Variants in IWS1 observed in about 807,000 individuals in gnomAD.
IWS1 encodes the protein interacts with SUPT6H, CTD assembly factor 1.
A neutral mutation model predicts 86.7 loss-of-function variants in IWS1; 27 were observed. The observed-to-expected ratio is 0.31, with a 90% CI of 0.23 to 0.43. The LOEUF is 0.43. Among genes scored for constraint, IWS1 ranks in the 20% least tolerant of loss-of-function variants. IWS1 has a pLI of 1.00. For missense variants in IWS1, 827 were observed against 1,000.8 expected (o/e 0.83, Z 2.34); for synonymous variants, 313 against 335.1 (o/e 0.93, Z 0.72).
chr2:127,526,346 G>C lies in IWS1; in HGVS notation c.-138C>G. On this transcript the variant is annotated 5_prime_UTR_variant, in exon 1 of 14. Transcript: ENST00000295321. ...CCGGAGAACTTAACGGGTGCGGAGG[G>C]TAAGAAAGCGGTAGCGGCAAAGGCG... The C allele has an allele frequency of 6.5e-7, 1 of 1,537,896 alleles. No individual in the cohort carries two copies. Among genetic ancestry groups the C allele is most frequent in the Non-Finnish European group, 8.7e-7 (1 of 1,146,638 alleles).
intron 13 of IWS1, among the ~76,000 whole-genome samples, chr2:127,485,534 C>T (rs796367029): frequency 1.4e-4 from 22 of 152,312 alleles, no homozygotes; most frequent in African/African-American, 5.1e-4. Context: ...CACCAGGAAA[C>T]CACTAACTAG....
chr2:127,505,830 T>C lies in IWS1; in HGVS notation c.151-78A>G, dbSNP rs1348317801. On this transcript the variant is annotated intron_variant, in intron 2 of 13. Coordinates refer to ENST00000295321, the MANE Select transcript of IWS1 (RefSeq NM_017969.3). The surrounding 1 kb of genome is among the most constrained non-coding windows in gnomAD (Gnocchi z 5.0). ...TAATAATAAAACATTAAATTTTTTCTGTGATTTTTTTAAAATACAGGATTA... is the reference window on the plus strand; with the variant it reads ...TAATAATAAAACATTAAATTTTTTCCGTGATTTTTTTAAAATACAGGATTA... The C allele has an allele frequency of 1.9e-5, 19 of 1,017,488 alleles. No individual in the cohort carries two copies. Among genetic ancestry groups the C allele is most frequent in the Non-Finnish European group, 2.5e-5 (18 of 715,436 alleles). The allele number at this position is 1,017,488 out of a possible 1,614,324, so 63.0% of individuals were successfully genotyped here. A position where few individuals can be genotyped will look rare whatever the true frequency, so the allele number is the denominator to read the frequency against.
Position 127,526,272 on chromosome 2 carries a change from C to A in IWS1, c.-64G>T. 1 of 1,546,926 alleles carries A rather than the reference C, an allele frequency of 6.5e-7. No homozygotes were observed. Among genetic ancestry groups the A allele is most frequent in the Non-Finnish European group, 8.7e-7 (1 of 1,147,180 alleles). On this transcript the variant is annotated 5_prime_UTR_variant, in exon 1 of 14. Coordinates refer to ENST00000295321, the MANE Select transcript of IWS1 (RefSeq NM_017969.3). Reference sequence around the variant, plus strand: ...GCCGCCCCCGTCACCTCCTTCCAGGCGGTGTGACCCCGGATGGCGCGGCTA... The same window carrying A: ...GCCGCCCCCGTCACCTCCTTCCAGGAGGTGTGACCCCGGATGGCGCGGCTA...
At position 127,504,753 on chromosome 2, in the gene IWS1, C is replaced by G. The variant is rs1242256716; in HGVS notation, c.1150G>C (p.Gly384Arg). Residue 384 changes from glycine (G) to arginine (R), a missense_variant, in exon 3 of 14, where the codon GGT becomes CGT. Gly to Arg is a moderately radical substitution (Grantham distance 125, BLOSUM62 -2). Transcript: ENST00000295321. ...CTCTTCGCTACTTTCTCCTCCTCACCCTCTTTTTCATCTTCATCACTGTCC... is the reference window on the plus strand; with the variant it reads ...CTCTTCGCTACTTTCTCCTCCTCACGCTCTTTTTCATCTTCATCACTGTCC... ...KMDSDEDEKE[G>R]EEEKVAKRKA... 7 of 1,613,976 alleles carry G rather than the reference C, an allele frequency of 4.3e-6. No individual in the cohort carries two copies. Among genetic ancestry groups the G allele is most frequent in the Non-Finnish European group, 5.9e-6 (7 of 1,180,018 alleles).
rs1690698458 is a variant in IWS1 at position 127,499,606 on chromosome 2, G to C, written c.1468-1369C>G. ...ACTAAGTATGAGCTCCATGAAGGCA[G>C]TGTCCAGTCTCTGAAACATTTGTTG... On this transcript the variant is annotated intron_variant, in intron 5 of 13. Transcript: ENST00000295321. The surrounding 1 kb of genome is among the most constrained non-coding windows in gnomAD (Gnocchi z 4.0). Among the ~76,000 whole-genome samples, 1 of 152,128 alleles carries C rather than the reference G, an allele frequency of 6.6e-6. No individual in the cohort carries two copies. Among genetic ancestry groups the C allele is most frequent in the Non-Finnish European group, 1.5e-5 (1 of 68,030 alleles).
chr2:127,518,848 G>A (rs1276104438), intron 2 of IWS1, among the ~76,000 whole-genome samples: 2 of 152,040 alleles, frequency 1.3e-5, no homozygotes, highest in African/African-American at 4.8e-5. Context: ...GGGATTACAG[G>A]CGTCAGTCAC....
At chr2:127,490,095 C>G in intron 10 of IWS1, 152 bp from the exon 11 acceptor site, 1 of 620,402 alleles carries the variant, frequency 1.6e-6, no homozygotes, top group Non-Finnish European at 2.9e-6. Flanking sequence ...ATAGGATAAA[C>G]AAAGCATAAT....
chr2:127,518,449 G>A (rs984119604), intron 2 of IWS1, among the ~76,000 whole-genome samples: 8 of 152,088 alleles, frequency 5.3e-5, no homozygotes, highest in African/African-American at 1.7e-4. Context: ...GGGAGGTTGA[G>A]GCTGCAGTGA....
intron 2 of IWS1, among the ~76,000 whole-genome samples, chr2:127,508,287 T>C (rs186265463): frequency 6.6e-6 from 1 of 152,272 alleles, no homozygotes; most frequent in African/African-American, 2.4e-5. Context: ...ACATGCACTA[T>C]TCACAAAGTA....
intron 2 of IWS1, among the ~76,000 whole-genome samples, chr2:127,516,632 G>A (rs552183320): frequency 5.9e-5 from 9 of 152,066 alleles, no homozygotes; most frequent in East Asian, 1.9e-4. Context: ...ATGATGGTAC[G>A]CAACTGTAGT....
At position 127,481,075 on chromosome 2, in the gene IWS1, A is replaced by AT; in HGVS notation, c.2428dup (p.Ile810AsnfsTer4). On this transcript the variant is annotated frameshift_variant, in exon 14 of 14. Coordinates refer to ENST00000295321, the MANE Select transcript of IWS1 (RefSeq NM_017969.3). LOFTEE classifies it high-confidence loss of function. ...TGGCATTTTGTTGCCCTCAATGCTG[A>AT]TTTTCACTGCGTGTGCAGATCTGCT... The AT allele has an allele frequency of 6.2e-7, 1 of 1,611,680 alleles. No homozygotes were observed.
intron 12 of IWS1, among the ~76,000 whole-genome samples, chr2:127,487,075 CA>C (rs1389376674): frequency 2.0e-5 from 3 of 152,144 alleles, no homozygotes; most frequent in African/African-American, 7.2e-5. Context: ...AAATGACCCC[CA>C]AAACTCCCAG....
chr2:127,512,131 C>T (rs78047182), intron 2 of IWS1, among the ~76,000 whole-genome samples: 19 of 152,272 alleles, frequency 1.2e-4, no homozygotes, highest in East Asian at 7.7e-4. Context: ...TCCTGTGGGA[C>T]GCTCAGGAGG....
At chr2:127,517,953 TAA>T (rs888400164) in intron 2 of IWS1, among the ~76,000 whole-genome samples, 5 of 152,256 alleles carry the variant, frequency 3.3e-5, no homozygotes, top group African/African-American at 1.2e-4. Context: ...CTAAGTGAAA[TAA>T]GTCACAAAAG....
chr2:127,509,559 T>C (rs894389257), intron 2 of IWS1, among the ~76,000 whole-genome samples: 20 of 151,924 alleles, frequency 1.3e-4, no homozygotes, highest in African/African-American at 4.8e-4. Flanking sequence ...ATGCAAAAAA[T>C]TAGCTGAGTG....
At position 127,496,110 on chromosome 2, in the gene IWS1, C is replaced by T. The variant is rs551817229; in HGVS notation, c.1604G>A (p.Arg535Gln). ...FLSDFEMMLQ[R>Q]KKSMSGKRRR... is the part of the protein sequence containing the mutation. The stretch of plus-strand genomic sequence containing the variant: ...GCGCTTGCCACTCATGCTCTTTTTT[C>T]GCTGCAACATCATCTCAAAATCTGA... The change falls in exon 7 of 14, where the codon CGA (arginine) becomes CAA (glutamine). Residue 535 changes from arginine to glutamine, a missense_variant. Physicochemically the swap from Arg to Gln is conservative, Grantham distance 43. Transcript: ENST00000295321. 4.6e-5 allele frequency: 75 copies of T among 1,613,738 alleles called. No homozygotes were observed. The highest frequency in any genetic ancestry group is 2.7e-5 in the African/African-American group (2 of 74,998).
rs1690622564 is a variant in IWS1 at position 127,498,359 on chromosome 2, A to C, written c.1468-122T>G. 18 of 896,934 alleles carry C rather than the reference A, an allele frequency of 2.0e-5. No individual in the cohort carries two copies. In the South Asian group the frequency reaches 3.2e-4, roughly 16 times the overall value. The allele number at this position is 896,934 out of a possible 1,614,324, so 55.6% of individuals were successfully genotyped here. A position where few individuals can be genotyped will look rare whatever the true frequency, so the allele number is the denominator to read the frequency against. On this transcript the variant is annotated intron_variant, in intron 5 of 13. Coordinates refer to ENST00000295321, the MANE Select transcript of IWS1 (RefSeq NM_017969.3). Reference sequence around the variant, plus strand: ...AAAAATTCAATAGATATCAAAAGGTACATAACAAAAGGTCCCTCTCCAGCC... The same window carrying C: ...AAAAATTCAATAGATATCAAAAGGTCCATAACAAAAGGTCCCTCTCCAGCC...
chr2:127,509,286 T>C (rs553414167), intron 2 of IWS1, among the ~76,000 whole-genome samples: 1 of 152,276 alleles, frequency 6.6e-6, no homozygotes, highest in Non-Finnish European at 1.5e-5. Context: ...TTTTTAAAAG[T>C]CAGATGAGTA....
intron 2 of IWS1, among the ~76,000 whole-genome samples, chr2:127,522,300 C>T (rs1474925171): frequency 6.6e-6 from 1 of 152,158 alleles, no homozygotes; most frequent in Non-Finnish European, 1.5e-5. Context: ...GTTCAAATGT[C>T]ACTTTCTTAA....
Sources: allele counts gnomAD v4.1 joint callset (sites outside exome capture counted in the v4.1 genomes callset), GRCh38; gene constraint gnomAD v4.1.1; non-coding constraint Gnocchi (gnomAD v3.1); transcripts MANE v1.5; gene names NCBI Gene and HGNC (gene_info 2026-07-23, HGNC 2026-07-21).